Variants in PRKAR1A observed in about 807,000 individuals in gnomAD.
The protein encoded by PRKAR1A is cAMP-dependent protein kinase type I-alpha regulatory subunit.
PRKAR1A carries 3 observed loss-of-function variants against 52.0 expected under a neutral mutation model. The ratio of observed to expected loss-of-function variants is 0.06; its 90% CI spans 0.03 to 0.15. PRKAR1A has a LOEUF of 0.15. Ranked by LOEUF, PRKAR1A falls within the 10% of genes least tolerant of loss-of-function variation. The probability of loss-of-function intolerance (pLI) is 1.00; values close to 1 mark genes in which losing one functional copy is unlikely to be tolerated. For missense variants in PRKAR1A, 240 were observed against 477.4 expected (o/e 0.50, Z 4.63); for synonymous variants, 188 against 168.4 (o/e 1.12, Z -0.90).
chr17:68,436,988 C>T, the PRKAR1A span, among the ~76,000 whole-genome samples: 40,970 of 116,172 alleles, frequency 0.35, 6,054 homozygotes, highest in Admixed American at 0.48. Flanking sequence ...AGTGAGACCC[C>T]GTCTCAAAAA....
At chr17:68,533,571 C>A, downstream of PRKAR1A, 1 of 386,458 alleles carries the variant, frequency 2.6e-6, no homozygotes, top group Non-Finnish European at 3.7e-6. Flanking sequence ...CAGTTTTCTT[C>A]ATACTACTTT....
At chr17:68,426,014 G>T in the PRKAR1A span, 1 of 1,365,014 alleles carries the variant, frequency 7.3e-7, no homozygotes, top group Non-Finnish European at 1.0e-6. Context: ...CTCGTATGAG[G>T]CGAAGGTTTC....
At position 68,532,346 on chromosome 17, in the gene PRKAR1A, T is replaced by C. The variant is rs2085999852; in HGVS notation, c.*1897T>C. 9.5e-6 allele frequency: 10 copies of C among 1,055,438 alleles called. No homozygotes were observed. The highest frequency in any genetic ancestry group is 1.6e-5 in the African/African-American group (1 of 60,844). 65.4% of individuals were successfully genotyped at this position (1,055,438 alleles called of 1,614,324 possible). On this transcript the variant is annotated 3_prime_UTR_variant, in exon 11 of 11. Transcript: ENST00000589228. ...GTATGTATATAATCATGCTCATGTA[T>C]ATTTAGTTACGTATAATGCTTTCTG...
chr17:68,426,136 A>G, the PRKAR1A span: 1 of 1,612,002 alleles, frequency 6.2e-7, no homozygotes, highest in Non-Finnish European at 8.5e-7. Context: ...ATGTTCAGGA[A>G]TAACTTCTCC....
chr17:68,515,691 T>C (rs1277283445), intron 2 of PRKAR1A, 115 bp downstream of exon 2: 1 of 1,259,076 alleles, frequency 7.9e-7, no homozygotes, highest in East Asian at 2.5e-5. Context: ...AAATAAAAAG[T>C]CTAAAACAAT....
At chr17:68,478,136 T>C in the PRKAR1A span, among the ~76,000 whole-genome samples, 1 of 152,230 alleles carries the variant, frequency 6.6e-6, no homozygotes, top group Non-Finnish European at 1.5e-5. Flanking sequence ...ATATTTTGGC[T>C]TGGAATGTAA....
At chr17:68,437,016 A>ATGTGTGTGTG in the PRKAR1A span, among the ~76,000 whole-genome samples, 31,279 of 144,448 alleles carry the variant, frequency 0.22, 3,978 homozygotes, top group Middle Eastern at 0.31. Flanking sequence ...ATATATATAT[A>ATGTGTGTGTG]TGTGTGTGTG....
At chr17:68,549,742 C>T (rs1486440308) in intron 11 of PRKAR1A, among the ~76,000 whole-genome samples, 1 of 152,166 alleles carries the variant, frequency 6.6e-6, no homozygotes, top group Non-Finnish European at 1.5e-5. Flanking sequence ...CTATGACAAC[C>T]AGAACCTCAC....
the PRKAR1A span, among the ~76,000 whole-genome samples, chr17:68,451,252 G>A: frequency 6.8e-3 from 1,035 of 152,226 alleles, 14 homozygotes; most frequent in African/African-American, 0.024. Flanking sequence ...CCAACATGGC[G>A]AAACCCCATC....
the PRKAR1A span, among the ~76,000 whole-genome samples, chr17:68,423,486 G>A: frequency 4.6e-5 from 7 of 152,172 alleles, no homozygotes; most frequent in Non-Finnish European, 1.0e-4. The surrounding 1 kb of genome is among the most constrained non-coding windows in gnomAD (Gnocchi z 4.4). Flanking sequence ...TGCACACAGG[G>A]GCTGCTTGAC....
At chr17:68,508,992 A>G (rs572024261), upstream of PRKAR1A, among the ~76,000 whole-genome samples, 30 of 152,252 alleles carry the variant, frequency 2.0e-4, no homozygotes, top group African/African-American at 7.2e-4. Flanking sequence ...TGGACTTTGA[A>G]ATTGGAAATA....
At chr17:68,534,932 G>A (rs1232157443), downstream of PRKAR1A, among the ~76,000 whole-genome samples, 1 of 152,210 alleles carries the variant, frequency 6.6e-6, no homozygotes, top group Non-Finnish European at 1.5e-5. Context: ...TGCAGTGTTT[G>A]TGGTGACTTT....
chr17:68,492,386 G>C, the PRKAR1A span, among the ~76,000 whole-genome samples: 2 of 152,234 alleles, frequency 1.3e-5, no homozygotes, highest in South Asian at 2.1e-4. Context: ...ACTTGGTGCA[G>C]ACCCCAAGGT....
intron 11 of PRKAR1A, among the ~76,000 whole-genome samples, chr17:68,543,303 T>G (rs2086393237): frequency 6.6e-6 from 1 of 152,076 alleles, no homozygotes; most frequent in Non-Finnish European, 1.5e-5. Flanking sequence ...ATCATAACAG[T>G]GAGACTCCTT....
the PRKAR1A span, chr17:68,436,526 G>C: frequency 6.4e-7 from 1 of 1,570,792 alleles, no homozygotes; most frequent in Non-Finnish European, 8.8e-7. Context: ...CCAAGGGAGA[G>C]ATTGCACGGC....
At chr17:68,537,561 C>T (rs1290265800), downstream of PRKAR1A, 4 of 1,613,320 alleles carry the variant, frequency 2.5e-6, no homozygotes, top group African/African-American at 1.3e-5. This position sits in a 1 kb window ranked among gnomAD's most constrained non-coding sequence, Gnocchi z 4.2. Flanking sequence ...GTCCATGGGC[C>T]ACTATGCACC....
the PRKAR1A span, among the ~76,000 whole-genome samples, chr17:68,473,153 G>A: frequency 2.0e-5 from 3 of 152,144 alleles, no homozygotes; most frequent in African/African-American, 7.2e-5. Flanking sequence ...AAATTATTCT[G>A]TAGATGCAAC....
At chr17:68,523,677 A>T (rs368661273) in intron 3 of PRKAR1A, 48 bp from the exon 4 acceptor site, 1 of 1,473,116 alleles carries the variant, frequency 6.8e-7, no homozygotes, top group Non-Finnish European at 9.5e-7. Context: ...CAAACGTGAA[A>T]TGTTTTTGGT....
upstream of PRKAR1A, among the ~76,000 whole-genome samples, chr17:68,508,071 A>T (rs2085220028): frequency 9.8e-6 from 1 of 102,036 alleles, no homozygotes; most frequent in African/African-American, 3.1e-5. Flanking sequence ...AGGCCTTAAG[A>T]GAAAAGACTG....
Sources: gnomAD v4.1 joint callset for allele counts (sites outside exome capture counted in the v4.1 genomes callset) on GRCh38, gnomAD v4.1.1 for gene constraint, Gnocchi (gnomAD v3.1) non-coding constraint, MANE v1.5 for transcripts, NCBI Gene and HGNC (gene_info 2026-07-23, HGNC 2026-07-21) for gene names.